The following MGAT4D variants were observed in gnomAD, a reference collection of about 807,000 sequenced individuals.
MGAT4D encodes MGAT4 family member D.
Under a neutral mutation model 15.9 loss-of-function variants are expected in MGAT4D, and 34 were observed. The ratio of observed to expected loss-of-function variants is 2.14; its 90% CI spans 1.62 to 2.84. The LOEUF is 2.84. Among genes scored for constraint, MGAT4D ranks in the 30% most tolerant of loss-of-function variants. MGAT4D has a pLI of 0.00. For missense variants in MGAT4D, 327 were observed against 140.2 expected (o/e 2.33, Z -6.73); for synonymous variants, 112 against 48.2 (o/e 2.33, Z -5.49).
At chr4:140,457,175 C>A (rs1373469138) in intron 8 of MGAT4D, 1 of 151,888 alleles carries the variant, frequency 6.6e-6, no homozygotes, top group Non-Finnish European at 1.5e-5. Flanking sequence ...ATTATTTTAA[C>A]AGGATGTTAT....
intron 10 of MGAT4D, among the ~76,000 whole-genome samples, chr4:140,443,765 T>A (rs914004175): frequency 2.6e-4 from 39 of 152,120 alleles, no homozygotes; most frequent in African/African-American, 9.4e-4. Context: ...TATAAATAGT[T>A]TAAAACATTT....
chr4:140,451,399 C>T lies in MGAT4D; in HGVS notation c.1116+11G>A. ...ATTGTATGTTACTAAAGTTACATTT[C>T]AAAATCTTACTTTTTCATATTGTTC... On this transcript the variant is annotated intron_variant, in intron 10 of 10. Coordinates refer to ENST00000511113, the MANE Select transcript of MGAT4D (RefSeq NM_001277353.2). 1 of 580,180 alleles carries T rather than the reference C, an allele frequency of 1.7e-6. No individual in the cohort carries two copies. Among genetic ancestry groups the T allele is most frequent in the Non-Finnish European group, 3.1e-6 (1 of 324,182 alleles). The allele number at this position is 580,180 out of a possible 1,614,324, so 35.9% of individuals were successfully genotyped here.
chr4:140,479,763 G>A lies in MGAT4D; in HGVS notation c.254-136C>T, dbSNP rs371405996. The A allele has an allele frequency of 1.2e-4, 35 of 298,056 alleles. No individual in the cohort carries two copies. The South Asian group carries it at 4.3e-3, about 37-fold the overall frequency. The allele number at this position is 298,056 out of a possible 1,614,324, so 18.5% of individuals were successfully genotyped here. Reference sequence around the variant, plus strand: ...ATATATAAAAGAAATACTCTAAAATGTAAATTATTAAAATAATAATGCTAA... The same window carrying A: ...ATATATAAAAGAAATACTCTAAAATATAAATTATTAAAATAATAATGCTAA... On this transcript the variant is annotated intron_variant, in intron 2 of 10. Coordinates refer to ENST00000511113, the MANE Select transcript of MGAT4D (RefSeq NM_001277353.2).
At chr4:140,458,883 G>C (rs909182598) in intron 8 of MGAT4D, 3 of 151,996 alleles carry the variant, frequency 2.0e-5, no homozygotes, top group African/African-American at 7.2e-5. Flanking sequence ...GCTCCTGTAT[G>C]AATCAATAAT....
At chr4:140,486,462 G>C (rs538503316) in intron 1 of MGAT4D, among the ~76,000 whole-genome samples, 1 of 151,938 alleles carries the variant, frequency 6.6e-6, no homozygotes, top group Non-Finnish European at 1.5e-5. Flanking sequence ...TCTACATTAG[G>C]TATTTCTCCT....
intron 1 of MGAT4D, among the ~76,000 whole-genome samples, chr4:140,491,856 C>G (rs1360715552): frequency 6.6e-6 from 1 of 152,026 alleles, no homozygotes; most frequent in Non-Finnish European, 1.5e-5. Context: ...CCTCTGTCCC[C>G]CCAGCTCTTT....
intron 10 of MGAT4D, among the ~76,000 whole-genome samples, chr4:140,451,135 CTT>C (rs994196127): frequency 4.6e-4 from 70 of 152,142 alleles, no homozygotes; most frequent in African/African-American, 1.6e-3. Context: ...TTTCAAAACT[CTT>C]TTTTAGTCTT....
At chr4:140,494,437 T>C (rs932680459) in intron 1 of MGAT4D, among the ~76,000 whole-genome samples, 1 of 152,236 alleles carries the variant, frequency 6.6e-6, no homozygotes, top group Non-Finnish European at 1.5e-5. Flanking sequence ...TTTGAAATAC[T>C]GAAATTCCCC....
In MGAT4D at chr4:140,482,450, C is replaced by A; in HGVS notation, c.130G>T (p.Glu44Ter). 1 of 638,940 alleles carries A rather than the reference C, an allele frequency of 1.6e-6. No individual in the cohort carries two copies. Among genetic ancestry groups the A allele is most frequent in the Non-Finnish European group, 2.8e-6 (1 of 361,984 alleles). 39.6% of individuals were successfully genotyped at this position (638,940 alleles called of 1,614,324 possible). Residue 44 changes from glutamate (E) to a stop codon, truncating the protein, a stop_gained, in exon 2 of 11, where the codon GAG becomes TAG. Transcript: ENST00000511113. LOFTEE classifies it high-confidence loss of function. ...AAGTGTAGCATATTTTCTTTAAACT[C>A]CAAAATATGGTTTCTACAGTTAATT... is the stretch of plus-strand genomic sequence containing the variant. ...QLINCRNHIL[E>*]FKENMLHLRN...
rs992993097 is a variant in MGAT4D at position 140,442,316 on chromosome 4, C to T, written c.*1120G>A. The T allele has an allele frequency of 6.6e-6, 1 of 151,924 alleles. No homozygotes were observed. The highest frequency in any genetic ancestry group is 2.4e-5 in the African/African-American group (1 of 41,344). 9.4% of individuals were successfully genotyped at this position (151,924 alleles called of 1,614,324 possible). A position where few individuals can be genotyped will look rare whatever the true frequency, so the allele number is the denominator to read the frequency against. On this transcript the variant is annotated 3_prime_UTR_variant, in exon 11 of 11. Transcript: ENST00000511113. ...GTATTTGATACAGTTCATACTGAGGCGAATGTGTGAGATCTTGGCACTCAA... is the reference window on the plus strand; with the variant it reads ...GTATTTGATACAGTTCATACTGAGGTGAATGTGTGAGATCTTGGCACTCAA...
intron 10 of MGAT4D, chr4:140,450,232 T>G (rs1254651101): frequency 8.3e-6 from 2 of 240,854 alleles, no homozygotes; most frequent in Admixed American, 5.6e-5. Flanking sequence ...AAAGCCAGCA[T>G]TATAACATCA....
intron 1 of MGAT4D, among the ~76,000 whole-genome samples, chr4:140,483,953 A>G (rs978082798): frequency 2.0e-5 from 3 of 152,228 alleles, no homozygotes; most frequent in Non-Finnish European, 4.4e-5. Context: ...GGTCTGAGCA[A>G]TGATTTTTCA....
chr4:140,461,433 T>TATA (rs1362851256), intron 7 of MGAT4D, among the ~76,000 whole-genome samples: 2 of 152,262 alleles, frequency 1.3e-5, no homozygotes, highest in East Asian at 3.9e-4. Context: ...GAGAGATTTA[T>TATA]AGGGTACAAA....
chr4:140,475,814 T>C (rs1300989209), intron 3 of MGAT4D, among the ~76,000 whole-genome samples: 6 of 141,340 alleles, frequency 4.2e-5, no homozygotes, highest in African/African-American at 1.3e-4. Context: ...TTTCTTTTTT[T>C]TTTTTTTTTT....
intron 1 of MGAT4D, among the ~76,000 whole-genome samples, chr4:140,494,496 T>C (rs1733709755): frequency 6.6e-6 from 1 of 152,208 alleles, no homozygotes; most frequent in African/African-American, 2.4e-5. Flanking sequence ...TCCCATTTCA[T>C]GGCTTTATAT....
At chr4:140,443,865 G>A (rs1729923204) in intron 10 of MGAT4D, among the ~76,000 whole-genome samples, 1 of 152,014 alleles carries the variant, frequency 6.6e-6, no homozygotes, top group African/African-American at 2.4e-5. Context: ...TAATATATGA[G>A]AGAAAGCCAG....
chr4:140,495,769 C>T (rs146647741), intron 1 of MGAT4D, among the ~76,000 whole-genome samples: 3,702 of 152,148 alleles, frequency 0.024, 195 homozygotes, highest in East Asian at 0.24. Flanking sequence ...TGGAGTCTTG[C>T]TCTGTCACCC....
At chr4:140,454,295 G>A (rs1730659042) in intron 9 of MGAT4D, among the ~76,000 whole-genome samples, 1 of 152,022 alleles carries the variant, frequency 6.6e-6, no homozygotes, top group African/African-American at 2.4e-5. Flanking sequence ...ATTCCTAATT[G>A]GCTGGGAGGT....
intron 3 of MGAT4D, among the ~76,000 whole-genome samples, chr4:140,477,179 C>G (rs1483819168): frequency 6.6e-6 from 1 of 152,160 alleles, no homozygotes; most frequent in African/African-American, 2.4e-5. Flanking sequence ...TTTCCGCTAT[C>G]CACCACCTAC....
Sources: allele counts gnomAD v4.1 joint callset (sites outside exome capture counted in the v4.1 genomes callset), GRCh38; gene constraint gnomAD v4.1.1; transcripts MANE v1.5; gene names NCBI Gene and HGNC (gene_info 2026-07-23, HGNC 2026-07-21).